CLCN3: variants seen among roughly 807,000 people sequenced by gnomAD.
The protein encoded by CLCN3 is H(+)/Cl(-) exchange transporter 3.
In CLCN3, 16 loss-of-function variants were observed where a neutral mutation model predicts 83.4. The observed-to-expected ratio is 0.19, with a 90% CI of 0.13 to 0.29. The LOEUF (loss-of-function observed/expected upper bound fraction) is 0.29. Among genes scored for constraint, CLCN3 ranks in the 10% least tolerant of loss-of-function variants. The probability of loss-of-function intolerance (pLI) is 1.00; values close to 1 mark genes in which losing one functional copy is unlikely to be tolerated. For missense variants in CLCN3, 544 were observed against 1,006.0 expected, an observed-to-expected ratio of 0.54 and a Z score of 6.21; for synonymous variants, 322 against 346.2, an observed-to-expected ratio of 0.93 and a Z score of 0.78.
intron 2 of CLCN3, among the ~76,000 whole-genome samples, chr4:169,650,245 G>A (rs921181379): frequency 6.6e-6 from 1 of 152,166 alleles, no homozygotes; most frequent in African/African-American, 2.4e-5. Flanking sequence ...CAAGAAAGGT[G>A]TTTTAGGAAA....
chr4:169,666,861 T>G (rs1426451855), intron 2 of CLCN3, among the ~76,000 whole-genome samples: 3 of 152,174 alleles, frequency 2.0e-5, no homozygotes, highest in South Asian at 2.1e-4. Flanking sequence ...TCACATTGTG[T>G]TGTTGTGAGG....
chr4:169,704,983 G>A (rs1230399576), intron 10 of CLCN3, among the ~76,000 whole-genome samples: 2 of 152,164 alleles, frequency 1.3e-5, no homozygotes, highest in African/African-American at 2.4e-5. Flanking sequence ...GCTAGATACA[G>A]TGCATAATAC....
At chr4:169,656,967 C>A (rs1236114145) in intron 2 of CLCN3, among the ~76,000 whole-genome samples, 1 of 152,060 alleles carries the variant, frequency 6.6e-6, no homozygotes, top group African/African-American at 2.4e-5. Context: ...AATAAAAAAT[C>A]TTTTCATTAT....
At chr4:169,634,699 A>G (rs1773462083) in intron 1 of CLCN3, among the ~76,000 whole-genome samples, 1 of 152,142 alleles carries the variant, frequency 6.6e-6, no homozygotes, top group South Asian at 2.1e-4. Flanking sequence ...TCTTGGAGAG[A>G]GGATTTTTTT....
At chr4:169,673,376 T>A (rs894508893) in intron 2 of CLCN3, among the ~76,000 whole-genome samples, 3 of 152,248 alleles carry the variant, frequency 2.0e-5, no homozygotes, top group Admixed American at 6.5e-5. Flanking sequence ...TTTATTGCAC[T>A]ACTGTACCTT....
Position 169,721,915 on chromosome 4 carries a change from C to T in CLCN3, c.*1918C>T, listed in dbSNP as rs1312025874. 1.3e-5 allele frequency: 2 copies of T among 152,104 alleles called. No individual in the cohort carries two copies. Among genetic ancestry groups the T allele is most frequent in the African/African-American group, 4.8e-5 (2 of 41,378 alleles). The allele number at this position is 152,104 out of a possible 1,614,324, so 9.4% of individuals were successfully genotyped here. A position where few individuals can be genotyped will look rare whatever the true frequency, so the allele number is the denominator to read the frequency against. On this transcript the variant is annotated 3_prime_UTR_variant, in exon 13 of 13. Coordinates refer to ENST00000513761, the MANE Select transcript of CLCN3 (RefSeq NM_001829.4). Reference sequence around the variant, plus strand: ...CACTGCAGCGTTGACCACCTGGGCTCAAGTGATACTCCCGCCTCAGCCACC... The same window carrying T: ...CACTGCAGCGTTGACCACCTGGGCTTAAGTGATACTCCCGCCTCAGCCACC...
At chr4:169,690,493 A>T in intron 5 of CLCN3, 37 bp from the exon 6 acceptor site, 1 of 1,594,160 alleles carries the variant, frequency 6.3e-7, no homozygotes, top group African/African-American at 1.4e-5. Context: ...GGTGCAATGT[A>T]AATTAAATTC....
intron 2 of CLCN3, among the ~76,000 whole-genome samples, chr4:169,658,029 A>G (rs1730937785): frequency 6.6e-6 from 1 of 152,240 alleles, no homozygotes; most frequent in East Asian, 1.9e-4. Flanking sequence ...TGTGGACCCC[A>G]TAAACACAAG....
rs973376827 is a variant in CLCN3 at position 169,706,868 on chromosome 4, G to A, written c.1751G>A (p.Gly584Asp). The A allele has an allele frequency of 6.2e-7, 1 of 1,604,454 alleles. No individual in the cohort carries two copies. Among genetic ancestry groups the A allele is most frequent in the African/African-American group, 1.3e-5 (1 of 74,524 alleles). ...YAMVGAAACL[G>D]GVTRMTVSLV... ...ACCAGTGGGTGCTTACTTTTTTCAG[G>A]TGGTGTGACAAGAATGACTGTCTCC... The change falls in exon 11 of 13, where the codon GGT becomes GAT. Residue 584 changes from glycine to aspartate, a missense_variant and splice_region_variant. Gly to Asp is a moderately conservative substitution (Grantham distance 94). Around this residue, in one of 6 missense-constraint regions of CLCN3, gnomAD observed 27 missense variants for 100.2 expected, o/e 0.27. Transcript: ENST00000513761.
chr4:169,711,105 T>A (rs369594165), intron 11 of CLCN3, among the ~76,000 whole-genome samples: 1 of 152,232 alleles, frequency 6.6e-6, no homozygotes, highest in Non-Finnish European at 1.5e-5. Context: ...ATATTTCTTA[T>A]AACAACTTAA....
chr4:169,665,114 G>A (rs998168301), intron 2 of CLCN3, among the ~76,000 whole-genome samples: 3 of 152,060 alleles, frequency 2.0e-5, no homozygotes, highest in South Asian at 2.1e-4. Flanking sequence ...TTCATGTATT[G>A]TACAGCTCAT....
rs182243139 is a variant in CLCN3, at chr4:169,650,075, C to T, written c.160+13987C>T. Among the ~76,000 whole-genome samples, 280 of 151,542 alleles carry T rather than the reference C, an allele frequency of 1.8e-3. 1 individual carries two copies. Among genetic ancestry groups the T allele is most frequent in the Non-Finnish European group, 3.0e-3 (202 of 67,894 alleles). The stretch of plus-strand genomic sequence containing the variant: ...ACTCCATCCAGCCTGGGTGACAGAG[C>T]GAGACCCTATCTAAGAGAAAAAAAA... On this transcript the variant is annotated intron_variant, in intron 2 of 12. Coordinates refer to ENST00000513761, the MANE Select transcript of CLCN3 (RefSeq NM_001829.4).
At chr4:169,677,214 A>C (rs1581237180) in intron 2 of CLCN3, among the ~76,000 whole-genome samples, 1 of 152,112 alleles carries the variant, frequency 6.6e-6, no homozygotes, top group Non-Finnish European at 1.5e-5. Context: ...TATCTGCTAC[A>C]CTGTAAAGTG....
intron 2 of CLCN3, among the ~76,000 whole-genome samples, chr4:169,649,159 G>A (rs1444651762): frequency 6.6e-6 from 1 of 152,186 alleles, no homozygotes; most frequent in African/African-American, 2.4e-5. Flanking sequence ...CATTGGAGGT[G>A]CTAGGAGCTT....
At chr4:169,712,719 A>G (rs775800828) in intron 11 of CLCN3, among the ~76,000 whole-genome samples, 5 of 152,230 alleles carry the variant, frequency 3.3e-5, no homozygotes, top group African/African-American at 7.2e-5. Context: ...ATGGATTCCT[A>G]TAATAAACTG....
chr4:169,668,085 T>C (rs1731317452), intron 2 of CLCN3, among the ~76,000 whole-genome samples: 1 of 149,070 alleles, frequency 6.7e-6, no homozygotes, highest in East Asian at 2.0e-4. Context: ...TGTCATATTG[T>C]TAGTCTTTTG....
chr4:169,715,196 G>A (rs567268397), intron 12 of CLCN3, among the ~76,000 whole-genome samples: 1 of 152,214 alleles, frequency 6.6e-6, no homozygotes, highest in African/African-American at 2.4e-5. Flanking sequence ...TAATTCCCAG[G>A]TATTTGGCAG....
intron 2 of CLCN3, among the ~76,000 whole-genome samples, chr4:169,648,340 T>C (rs1357308188): frequency 1.3e-5 from 2 of 152,240 alleles, no homozygotes; most frequent in African/African-American, 4.8e-5. Flanking sequence ...ATTGCAACTT[T>C]CATAAATCTA....
chr4:169,697,211 A>G lies in CLCN3; in HGVS notation c.1040A>G (p.Lys347Arg). ...LEEVSYYFPLKTLWRSFFAAL... is the reference protein window; with the variant it reads ...LEEVSYYFPLRTLWRSFFAAL... ...TAGGTTAGCTATTATTTTCCTCTCA[A>G]AACTTTATGGAGATCATTTTTTGCT... Residue 347 changes from lysine (K) to arginine (R), a missense_variant, in exon 9 of 13, where the codon AAA (lysine) becomes AGA (arginine). Lys to Arg is a conservative substitution (Grantham distance 26, BLOSUM62 2). This residue lies in a region of CLCN3 where 194 missense variants were observed against 341.4 expected (regional missense o/e 0.57). Transcript: ENST00000513761. The G allele has an allele frequency of 3.8e-6, 6 of 1,577,132 alleles. No individual in the cohort carries two copies. Among genetic ancestry groups the G allele is most frequent in the Non-Finnish European group, 5.1e-6 (6 of 1,168,480 alleles).
Sources: allele counts gnomAD v4.1 joint callset (sites outside exome capture counted in the v4.1 genomes callset), GRCh38; gene constraint gnomAD v4.1.1; regional missense constraint gnomAD v4.1.1; transcripts MANE v1.5; gene names NCBI Gene and HGNC (gene_info 2026-07-23, HGNC 2026-07-21).